The following MMUT variants were observed in gnomAD, a reference collection of about 807,000 sequenced individuals.
The protein encoded by MMUT is methylmalonyl-CoA mutase.
A neutral mutation model predicts 79.9 loss-of-function variants in MMUT; 79 were observed. The ratio of observed to expected loss-of-function variants is 0.99; its 90% CI spans 0.82 to 1.19. The LOEUF is 1.19. MMUT is among the 50% of genes most tolerant of loss of function. The probability of loss-of-function intolerance (pLI) is 0.00; values close to 1 mark genes in which losing one functional copy is unlikely to be tolerated. For missense variants in MMUT, 860 were observed against 917.2 expected, an observed-to-expected ratio of 0.94 and a Z score of 0.81; for synonymous variants, 273 against 295.7, an observed-to-expected ratio of 0.92 and a Z score of 0.79.
At position 49,451,613 on chromosome 6, in the gene MMUT, A is replaced by T; in HGVS notation, c.1185T>A (p.Gly395=). The part of the protein sequence containing the change: ...LHTNSFDEAL[G]LPTVKSARIA... ...TTCGAGCACTTTTCACAGTTGGCAA[A>T]CCCAAAGCTTCATCAAAAGAATTTG... Residue 395 remains glycine (G), a synonymous_variant, in exon 6 of 13, where the codon GGT becomes GGA. Coordinates refer to ENST00000274813, the MANE Select transcript of MMUT (RefSeq NM_000255.4). 6.2e-7 allele frequency: 1 copy of T among 1,614,142 alleles called. No individual in the cohort carries two copies. The highest frequency in any genetic ancestry group is 8.5e-7 in the Non-Finnish European group (1 of 1,180,016).
In MMUT at chr6:49,451,531, C is replaced by G. The variant is rs750033239; in HGVS notation, c.1267G>C (p.Asp423His). 6.2e-7 allele frequency: 1 copy of G among 1,614,108 alleles called. No individual in the cohort carries two copies. The highest frequency in any genetic ancestry group is 8.5e-7 in the Non-Finnish European group (1 of 1,180,018). Residue 423 changes from aspartate (D) to histidine (H), a missense_variant, in exon 6 of 13, where the codon GAT (aspartate) becomes CAT (histidine). Transcript: ENST00000274813. ...QEESGIPKVA[D>H]PWGGSYMMEC... ...ATCATGTAAGAACCTCCCCAAGGATCAGCCACTTTGGGAATCCCAGATTCT... is the reference window on the plus strand; with the variant it reads ...ATCATGTAAGAACCTCCCCAAGGATGAGCCACTTTGGGAATCCCAGATTCT...
intron 11 of MMUT, among the ~76,000 whole-genome samples, chr6:49,437,086 A>AT (rs574024920): frequency 6.6e-6 from 1 of 152,200 alleles, no homozygotes; most frequent in East Asian, 1.9e-4. Flanking sequence ...AAAAAATAAT[A>AT]TTTTTTTGAA....
intron 11 of MMUT, 22 bp from the exon 12 acceptor site, chr6:49,435,645 A>G (rs1767104167): frequency 6.2e-7 from 1 of 1,608,182 alleles, no homozygotes; most frequent in Non-Finnish European, 8.5e-7. Context: ...GAAAGTAAAG[A>G]TAAATCATTG....
At chr6:49,443,934 A>C in intron 9 of MMUT, 1 of 278,478 alleles carries the variant, frequency 3.6e-6, no homozygotes, top group South Asian at 3.2e-5. Flanking sequence ...CGTCTCAAGA[A>C]GGAAGAGGTG....
At chr6:49,451,221 C>A (rs1423091412) in intron 6 of MMUT, among the ~76,000 whole-genome samples, 1 of 152,104 alleles carries the variant, frequency 6.6e-6, no homozygotes, top group South Asian at 2.1e-4. Context: ...TTAATACTAG[C>A]TGTCTTTTTA....
At chr6:49,440,573 T>A (rs563690091) in intron 10 of MMUT, among the ~76,000 whole-genome samples, 2 of 152,148 alleles carry the variant, frequency 1.3e-5, no homozygotes, top group Non-Finnish European at 2.9e-5. Flanking sequence ...GGTAAACAGC[T>A]GCATAGATCA....
chr6:49,431,557 T>G lies in MMUT; in HGVS notation c.*171A>C, dbSNP rs1766974921. The G allele has an allele frequency of 1.7e-6, 1 of 602,806 alleles. No homozygotes were observed. Among genetic ancestry groups the G allele is most frequent in the South Asian group, 2.0e-5 (1 of 48,810 alleles). The allele number at this position is 602,806 out of a possible 1,614,324, so 37.3% of individuals were successfully genotyped here. ...TTTTTATTTTTGAAGTGAAACTGTA[T>G]GTACATACTTATAGCATGACACCAG... On this transcript the variant is annotated 3_prime_UTR_variant, in exon 13 of 13. Transcript: ENST00000274813.
chr6:49,450,128 G>A (rs1767512468), intron 6 of MMUT, among the ~76,000 whole-genome samples: 1 of 151,694 alleles, frequency 6.6e-6, no homozygotes, highest in African/African-American at 2.4e-5. Flanking sequence ...CTACTCGGGA[G>A]GCTGAGACAG....
At chr6:49,439,779 T>C (rs940851693) in intron 11 of MMUT, among the ~76,000 whole-genome samples, 3 of 152,216 alleles carry the variant, frequency 2.0e-5, no homozygotes, top group African/African-American at 7.2e-5. Flanking sequence ...CCCTGAATTT[T>C]AGTCAGATTT....
Position 49,459,388 on chromosome 6 carries a change from G to A in MMUT, c.79C>T (p.Leu27Phe). Residue 27 changes from leucine to phenylalanine, a missense_variant, in exon 2 of 13, where the codon CTC becomes TTC. Coordinates refer to ENST00000274813, the MANE Select transcript of MMUT (RefSeq NM_000255.4). Reference sequence around the variant, plus strand: ...TGGTGTAGAAGTCGTTGCTGTATGAGCCTGGAGCCTGATGATTCTTTTACC... The same window carrying A: ...TGGTGTAGAAGTCGTTGCTGTATGAACCTGGAGCCTGATGATTCTTTTACC... ...RQVKESSGSRLIQQRLLHQQQ... is the reference protein window; with the variant it reads ...RQVKESSGSRFIQQRLLHQQQ... The A allele has an allele frequency of 6.2e-7, 1 of 1,613,636 alleles. No individual in the cohort carries two copies.
Position 49,441,965 on chromosome 6 carries a change from T to C in MMUT, c.1683A>G (p.Thr561=), listed in dbSNP as rs1431940305. Reference sequence around the variant, plus strand: ...TCAGGGCATCTGTGATTTCTCCCACTGTACATCTGAAACATGAAATGGTGG... The same window carrying C: ...TCAGGGCATCTGTGATTTCTCCCACCGTACATCTGAAACATGAAATGGTGG... ...LAVDASRARC[T]VGEITDALKK... is the part of the protein sequence containing the mutation. Residue 561 remains threonine (T), a synonymous_variant, in exon 10 of 13, where the codon ACA becomes ACG. Coordinates refer to ENST00000274813, the MANE Select transcript of MMUT (RefSeq NM_000255.4). 1.9e-6 allele frequency: 3 copies of C among 1,609,868 alleles called. No individual in the cohort carries two copies. The African/African-American group carries it at 4.0e-5, about 22-fold the overall frequency.
intron 9 of MMUT, 132 bp from the exon 10 acceptor site, chr6:49,442,103 T>C (rs1011765346): frequency 4.0e-5 from 42 of 1,044,508 alleles, no homozygotes; most frequent in South Asian, 3.4e-4. Context: ...ATAAGAATTT[T>C]TTAATGCATT....
chr6:49,433,846 G>C (rs918547120), intron 12 of MMUT, among the ~76,000 whole-genome samples: 1 of 152,094 alleles, frequency 6.6e-6, no homozygotes, highest in African/African-American at 2.4e-5. Context: ...ATACAAGGGT[G>C]TTAACTGCTA....
At position 49,448,842 on chromosome 6, in the gene MMUT, G is replaced by A; in HGVS notation, c.1418C>T (p.Ala473Val). 1 of 1,613,184 alleles carries A rather than the reference G, an allele frequency of 6.2e-7. No individual in the cohort carries two copies. The change falls in exon 7 of 13, where the codon GCC (alanine) becomes GTC (valine). Residue 473 changes from alanine (A) to valine (V), a missense_variant. Ala to Val is a moderately conservative substitution (Grantham distance 64). Transcript: ENST00000274813. The part of the protein sequence containing the change: ...IPKLRIEECA[A>V]RRQARIDSGS... The stretch of plus-strand genomic sequence containing the variant: ...AGAATCTATTCTAGCTTGTCTTCGG[G>A]CAGCACATTCTTCAATTCGAAGTTT...
chr6:49,444,350 G>C (rs1180218763), intron 9 of MMUT, among the ~76,000 whole-genome samples: 1 of 152,048 alleles, frequency 6.6e-6, no homozygotes, highest in Admixed American at 6.6e-5. Context: ...TGATATACTT[G>C]AGAGTCCAAC....
rs764175806 is a variant in MMUT, at chr6:49,431,552, CTG to C, written c.*174_*175del. ...TTTTTTTTTTATTTTTGAAGTGAAA[CTG>C]TATGTACATACTTATAGCATGACAC... On this transcript the variant is annotated 3_prime_UTR_variant, in exon 13 of 13. Coordinates refer to ENST00000274813, the MANE Select transcript of MMUT (RefSeq NM_000255.4). 2 of 561,902 alleles carry C rather than the reference CTG, an allele frequency of 3.6e-6. No homozygotes were observed. The highest frequency in any genetic ancestry group is 6.3e-6 in the Non-Finnish European group (2 of 319,616). The allele number at this position is 561,902 out of a possible 1,614,324, so 34.8% of individuals were successfully genotyped here.
chr6:49,453,039 G>GTTTTT (rs5876116), intron 5 of MMUT, among the ~76,000 whole-genome samples: 1 of 116,190 alleles, frequency 8.6e-6, no homozygotes, highest in Non-Finnish European at 1.8e-5. Context: ...TTCTTTCTTT[G>GTTTTT]TTTTTTTTTT....
chr6:49,432,212 T>A (rs964183468), intron 12 of MMUT, among the ~76,000 whole-genome samples: 3 of 152,174 alleles, frequency 2.0e-5, no homozygotes, highest in Non-Finnish European at 4.4e-5. Flanking sequence ...AAATTTAGTA[T>A]GATGTGATAA....
intron 11 of MMUT, among the ~76,000 whole-genome samples, chr6:49,439,611 G>C (rs913699973): frequency 6.6e-6 from 1 of 152,158 alleles, no homozygotes; most frequent in African/African-American, 2.4e-5. Flanking sequence ...AATGAGGAAT[G>C]TGTTGCTTCC....
Sources: allele counts gnomAD v4.1 joint callset (sites outside exome capture counted in the v4.1 genomes callset), GRCh38; gene constraint gnomAD v4.1.1; transcripts MANE v1.5; gene names NCBI Gene and HGNC (gene_info 2026-07-23, HGNC 2026-07-21).